EXOC5: variants seen among roughly 807,000 people sequenced by gnomAD.
EXOC5 encodes exocyst complex component 5.
In EXOC5, 17 loss-of-function variants were observed where a neutral mutation model predicts 90.8. The ratio of observed to expected loss-of-function variants is 0.19; its 90% CI spans 0.13 to 0.28. The LOEUF is 0.28. EXOC5 is among the 10% of genes least tolerant of loss of function. The pLI, the probability that EXOC5 is intolerant of heterozygous loss-of-function variation, is 1.00. For synonymous variants in EXOC5, 260 were observed against 270.0 expected, an observed-to-expected ratio of 0.96 and a Z score of 0.36; for missense variants, 569 against 830.6, an observed-to-expected ratio of 0.69 and a Z score of 3.87.
intron 13 of EXOC5, 34 bp downstream of exon 13, chr14:57,222,274 G>T (rs1012102063): frequency 1.9e-6 from 2 of 1,051,172 alleles, no homozygotes; most frequent in Non-Finnish European, 2.8e-6. Flanking sequence ...AGAATCAAAA[G>T]AATTTAACAC....
At chr14:57,209,470 T>G in intron 17 of EXOC5, 97 bp downstream of exon 17, 2 of 653,798 alleles carry the variant, frequency 3.1e-6, no homozygotes, top group Non-Finnish European at 5.3e-6. Context: ...ACAAAAGTTA[T>G]AAACCTTTCA....
At chr14:57,240,264 T>A (rs1883820284) in intron 4 of EXOC5, among the ~76,000 whole-genome samples, 2 of 151,626 alleles carry the variant, frequency 1.3e-5, no homozygotes, top group East Asian at 3.9e-4. Flanking sequence ...AGATATCTCT[T>A]AAGGCCACAG....
intron 1 of EXOC5, among the ~76,000 whole-genome samples, chr14:57,265,622 G>A (rs997349282): frequency 6.6e-6 from 1 of 152,164 alleles, no homozygotes; most frequent in Non-Finnish European, 1.5e-5. Flanking sequence ...CTACTCTGGA[G>A]GCTAAGGTGG....
At chr14:57,234,130 A>T in intron 7 of EXOC5, 98 bp from the exon 8 acceptor site, 1 of 890,004 alleles carries the variant, frequency 1.1e-6, no homozygotes, top group Non-Finnish European at 1.7e-6. Flanking sequence ...ATGACTATTT[A>T]CCAGTAAATG....
chr14:57,219,956 C>A (rs974044474), intron 13 of EXOC5, among the ~76,000 whole-genome samples: 4 of 152,076 alleles, frequency 2.6e-5, no homozygotes. Flanking sequence ...GGGAATCAAG[C>A]CACTCCATAT....
Position 57,205,487 on chromosome 14 carries a change from G to C in EXOC5, c.*3122C>G, listed in dbSNP as rs573120105. On this transcript the variant is annotated 3_prime_UTR_variant, in exon 18 of 18. Coordinates refer to ENST00000621441, the MANE Select transcript of EXOC5 (RefSeq NM_006544.4). The stretch of plus-strand genomic sequence containing the variant: ...CAAATTATGTACTGACTGAACTGCT[G>C]TCTCTCAAACACAGTTCAAGCATGC... The C allele has an allele frequency of 1.2e-4, 22 of 179,362 alleles. No individual in the cohort carries two copies. The South Asian group carries it at 2.6e-3, about 21-fold the overall frequency. 11.1% of individuals were successfully genotyped at this position (179,362 alleles called of 1,614,324 possible). A position where few individuals can be genotyped will look rare whatever the true frequency, so the allele number is the denominator to read the frequency against.
At chr14:57,248,126 C>G (rs1594676067) in intron 1 of EXOC5, among the ~76,000 whole-genome samples, 1 of 148,586 alleles carries the variant, frequency 6.7e-6, no homozygotes, top group South Asian at 2.1e-4. Context: ...ATGAGCAAGG[C>G]AAGAAAGGAT....
chr14:57,266,679 T>TCA (rs1555330668), intron 1 of EXOC5, among the ~76,000 whole-genome samples: 1 of 149,952 alleles, frequency 6.7e-6, no homozygotes, highest in African/African-American at 2.5e-5. Flanking sequence ...CTAAATTACA[T>TCA]TATATATATG....
intron 1 of EXOC5, among the ~76,000 whole-genome samples, chr14:57,258,629 T>TGGGCATG (rs1566506676): frequency 6.6e-6 from 1 of 152,172 alleles, no homozygotes; most frequent in Non-Finnish European, 1.5e-5. Context: ...CAAACCACCA[T>TGGGCATG]GGCATGTGTA....
Position 57,208,732 on chromosome 14 carries a change from T to C in EXOC5, c.2004A>G (p.Pro668=), listed in dbSNP as rs1455431286. ...HALCNLLVVA[P]DNLKQVCSGE... The stretch of plus-strand genomic sequence containing the variant: ...CTGAGCAGACTTGCTTTAAATTATC[T>C]GGGGCAACTACCAGAAGATTGCAAA... Residue 668 remains proline (P), a synonymous_variant, in exon 18 of 18, where the codon CCA becomes CCG. Coordinates refer to ENST00000621441, the MANE Select transcript of EXOC5 (RefSeq NM_006544.4). 6.2e-7 allele frequency: 1 copy of C among 1,611,468 alleles called. No homozygotes were observed. Among genetic ancestry groups the C allele is most frequent in the Non-Finnish European group, 8.5e-7 (1 of 1,177,920 alleles).
At chr14:57,230,925 A>G (rs1388699192) in intron 11 of EXOC5, among the ~76,000 whole-genome samples, 1 of 151,992 alleles carries the variant, frequency 6.6e-6, no homozygotes, top group Admixed American at 6.6e-5. Context: ...AAAAAAATGA[A>G]AGAAACTATG....
Position 57,201,736 on chromosome 14 carries a change from T to C in EXOC5, c.*6873A>G, listed in dbSNP as rs1418637608. On this transcript the variant is annotated 3_prime_UTR_variant, in exon 18 of 18. Coordinates refer to ENST00000621441, the MANE Select transcript of EXOC5 (RefSeq NM_006544.4). ...CCCATTTCTACTACAAATAGAAAAATTGGCCAGGCATGGTGGCATGTGCCT... is the reference window on the plus strand; with the variant it reads ...CCCATTTCTACTACAAATAGAAAAACTGGCCAGGCATGGTGGCATGTGCCT... 2 of 151,306 alleles carry C rather than the reference T, an allele frequency of 1.3e-5. No individual in the cohort carries two copies. The highest frequency in any genetic ancestry group is 6.6e-5 in the Admixed American group (1 of 15,158). 9.4% of individuals were successfully genotyped at this position (151,306 alleles called of 1,614,324 possible). A position where few individuals can be genotyped will look rare whatever the true frequency, so the allele number is the denominator to read the frequency against.
chr14:57,218,673 T>C (rs1883039595), intron 14 of EXOC5, among the ~76,000 whole-genome samples: 1 of 152,068 alleles, frequency 6.6e-6, no homozygotes, highest in African/African-American at 2.4e-5. Flanking sequence ...GATTCAGGGA[T>C]TACAAGTGAC....
intron 1 of EXOC5, among the ~76,000 whole-genome samples, chr14:57,249,486 CAAAA>C (rs566073631): frequency 1.3e-5 from 2 of 151,944 alleles, no homozygotes; most frequent in African/African-American, 4.8e-5. Context: ...TATTTACTGA[CAAAA>C]AATTAAGGAT....
At chr14:57,217,230 T>C (rs1883001900) in intron 15 of EXOC5, among the ~76,000 whole-genome samples, 1 of 152,176 alleles carries the variant, frequency 6.6e-6, no homozygotes, top group Non-Finnish European at 1.5e-5. Flanking sequence ...AGAGCTACTA[T>C]ATGATCCAAC....
intron 10 of EXOC5, 143 bp downstream of exon 10, chr14:57,232,524 A>G: frequency 2.1e-6 from 1 of 470,020 alleles, no homozygotes; most frequent in East Asian, 3.4e-5. Context: ...TGTACAATAT[A>G]ACTAGTCTAT....
At chr14:57,268,586 G>C (rs889477937) in intron 1 of EXOC5, 36 bp downstream of exon 1, 16 of 1,576,358 alleles carry the variant, frequency 1.0e-5, no homozygotes, top group East Asian at 2.3e-5. Context: ...TGCAAACCCC[G>C]GGCCTGCCAC....
intron 12 of EXOC5, among the ~76,000 whole-genome samples, chr14:57,228,823 T>A (rs952643974): frequency 6.9e-6 from 1 of 145,764 alleles, no homozygotes; most frequent in Non-Finnish European, 1.5e-5. Context: ...ACCTGCATGC[T>A]CTGCACACGT....
chr14:57,255,633 G>A (rs535327660), intron 1 of EXOC5, among the ~76,000 whole-genome samples: 1 of 152,110 alleles, frequency 6.6e-6, no homozygotes, highest in Non-Finnish European at 1.5e-5. Context: ...AGGAGTTCGA[G>A]ACCAGCCTGG....
Sources: gnomAD v4.1 joint callset for allele counts (sites outside exome capture counted in the v4.1 genomes callset) on GRCh38, gnomAD v4.1.1 for gene constraint, MANE v1.5 for transcripts, NCBI Gene and HGNC (gene_info 2026-07-23, HGNC 2026-07-21) for gene names.